Variants in SCRG1 observed in about 807,000 individuals in gnomAD.
The protein encoded by SCRG1 is stimulator of chondrogenesis 1, also known as scrapie-responsive protein 1.
SCRG1 carries 3 observed loss-of-function variants against 7.7 expected under a neutral mutation model. That is an observed-to-expected ratio of 0.39 (90% CI 0.18 to 1.01). The LOEUF (loss-of-function observed/expected upper bound fraction) is 1.01, where lower values mean the gene tolerates loss of function less well. SCRG1 is among the 50% of genes least tolerant of loss of function. The probability of loss-of-function intolerance (pLI) is 0.36; values close to 1 mark genes in which losing one functional copy is unlikely to be tolerated. For missense variants in SCRG1, 110 were observed against 117.2 expected, an observed-to-expected ratio of 0.94 and a Z score of 0.28; for synonymous variants, 46 against 41.2, an observed-to-expected ratio of 1.12 and a Z score of -0.44.
intron 1 of SCRG1, among the ~76,000 whole-genome samples, chr4:173,396,177 G>A (rs1458094579): frequency 1.3e-5 from 2 of 152,176 alleles, no homozygotes; most frequent in South Asian, 2.1e-4. Flanking sequence ...ATTGGAAGGA[G>A]CCAATTTTGG....
At chr4:173,469,930 T>C in the SCRG1 span, 1 of 152,124 alleles carries the variant, frequency 6.6e-6, no homozygotes, top group Non-Finnish European at 1.5e-5. Context: ...AGTGTGTGTG[T>C]AGATGAACCA....
the SCRG1 span, among the ~76,000 whole-genome samples, chr4:173,498,659 A>G: frequency 1.3e-5 from 2 of 152,244 alleles, no homozygotes; most frequent in Non-Finnish European, 2.9e-5. Flanking sequence ...ATCAGAGAAC[A>G]TGAGATTAGA....
the SCRG1 span, among the ~76,000 whole-genome samples, chr4:173,513,307 C>T: frequency 3.3e-5 from 5 of 152,000 alleles, no homozygotes; most frequent in African/African-American, 1.2e-4. Flanking sequence ...TTGATTATTC[C>T]ACATTTGTCC....
At chr4:173,434,762 C>T in the SCRG1 span, among the ~76,000 whole-genome samples, 8 of 152,184 alleles carry the variant, frequency 5.3e-5, no homozygotes, top group African/African-American at 9.6e-5. Context: ...ACCTGGGAGG[C>T]GGAGGTTGCA....
At chr4:173,454,077 A>G in the SCRG1 span, among the ~76,000 whole-genome samples, 1 of 16,292 alleles carries the variant, frequency 6.1e-5, no homozygotes, top group Non-Finnish European at 2.9e-4. Flanking sequence ...GACTCCGTCT[A>G]AAAAAAAAAA....
At chr4:173,475,385 A>G in the SCRG1 span, among the ~76,000 whole-genome samples, 739 of 152,348 alleles carry the variant, frequency 4.9e-3, 2 homozygotes, top group Non-Finnish European at 8.0e-3. Context: ...CAAGGAGTGG[A>G]CAGTCCTACA....
chr4:173,488,552 G>C, the SCRG1 span, among the ~76,000 whole-genome samples: 1 of 152,118 alleles, frequency 6.6e-6, no homozygotes, highest in African/African-American at 2.4e-5. Context: ...CTGCTATCTG[G>C]GGACAGTCAA....
chr4:173,390,526 G>T (rs1739399951), intron 2 of SCRG1, among the ~76,000 whole-genome samples: 1 of 148,086 alleles, frequency 6.8e-6, no homozygotes, highest in Non-Finnish European at 1.5e-5. Flanking sequence ...AGGCTGGAGT[G>T]CAATGGTGCG....
the SCRG1 span, among the ~76,000 whole-genome samples, chr4:173,451,644 T>G: frequency 1.1e-5 from 1 of 90,832 alleles, no homozygotes; most frequent in Admixed American, 9.6e-5. Flanking sequence ...TTTTATTTAT[T>G]TATTTATTTA....
the SCRG1 span, among the ~76,000 whole-genome samples, chr4:173,455,799 G>A: frequency 1.3e-5 from 2 of 152,188 alleles, no homozygotes; most frequent in African/African-American, 4.8e-5. Flanking sequence ...AGTGTACAGA[G>A]GAGAGATGCA....
the SCRG1 span, among the ~76,000 whole-genome samples, chr4:173,504,387 C>G: frequency 6.6e-6 from 1 of 152,174 alleles, no homozygotes. The surrounding 1 kb of genome is among the most constrained non-coding windows in gnomAD (Gnocchi z 4.7). Context: ...TACCCCAACT[C>G]GTCACCACCG....
chr4:173,507,235 A>G, the SCRG1 span, among the ~76,000 whole-genome samples: 1 of 151,516 alleles, frequency 6.6e-6, no homozygotes, highest in Non-Finnish European at 1.5e-5. The surrounding 1 kb of genome is among the most constrained non-coding windows in gnomAD (Gnocchi z 4.4). Context: ...TTTAAGACAG[A>G]GTCTTGCTCT....
chr4:173,394,854 A>G (rs1739555187), intron 1 of SCRG1, among the ~76,000 whole-genome samples: 1 of 152,240 alleles, frequency 6.6e-6, no homozygotes, highest in African/African-American at 2.4e-5. Flanking sequence ...CTAGAATCAA[A>G]TGGAATTCAA....
At chr4:173,437,199 G>A in the SCRG1 span, among the ~76,000 whole-genome samples, 1 of 152,242 alleles carries the variant, frequency 6.6e-6, no homozygotes, top group Admixed American at 6.5e-5. Context: ...GCATGAAGTT[G>A]TGTTACTGAG....
At chr4:173,440,194 A>C in the SCRG1 span, among the ~76,000 whole-genome samples, 1 of 152,222 alleles carries the variant, frequency 6.6e-6, no homozygotes, top group Non-Finnish European at 1.5e-5. Context: ...TTTACCGTAA[A>C]GAATTTCATT....
At chr4:173,495,875 C>T in the SCRG1 span, among the ~76,000 whole-genome samples, 1 of 152,194 alleles carries the variant, frequency 6.6e-6, no homozygotes, top group African/African-American at 2.4e-5. Flanking sequence ...AGAGAAATTA[C>T]TCTTCCTGAA....
the SCRG1 span, among the ~76,000 whole-genome samples, chr4:173,505,615 A>G: frequency 6.6e-6 from 1 of 152,154 alleles, no homozygotes; most frequent in East Asian, 1.9e-4. The surrounding 1 kb of genome is among the most constrained non-coding windows in gnomAD (Gnocchi z 4.4). Flanking sequence ...CACAGGCCCG[A>G]ACACTCCTTT....
chr4:173,499,829 GGAA>G, the SCRG1 span, among the ~76,000 whole-genome samples: 2 of 152,208 alleles, frequency 1.3e-5, no homozygotes, highest in Admixed American at 1.3e-4. The surrounding 1 kb of genome is among the most constrained non-coding windows in gnomAD (Gnocchi z 4.1). Flanking sequence ...TCGAAAGAAA[GGAA>G]AGGAGAAAAA....
At chr4:173,416,911 A>ACACACAC in the SCRG1 span, among the ~76,000 whole-genome samples, 3 of 125,150 alleles carry the variant, frequency 2.4e-5, no homozygotes, top group African/African-American at 9.8e-5. Flanking sequence ...CACACACCCA[A>ACACACAC]ACACACACAC....
Sources: allele counts gnomAD v4.1 joint callset (sites outside exome capture counted in the v4.1 genomes callset), GRCh38; gene constraint gnomAD v4.1.1; non-coding constraint Gnocchi (gnomAD v3.1); transcripts MANE v1.5; gene names NCBI Gene and HGNC (gene_info 2026-07-23, HGNC 2026-07-21).